The following NF1 variants were observed in gnomAD, a reference collection of about 807,000 sequenced individuals.
The protein encoded by NF1 is neurofibromin.
In NF1, 122 loss-of-function variants were observed where a neutral mutation model predicts 325.7. That is an observed-to-expected ratio of 0.37 (90% confidence interval 0.32 to 0.44). The LOEUF (loss-of-function observed/expected upper bound fraction) is 0.44. Ranked by LOEUF, NF1 falls within the 20% of genes least tolerant of loss-of-function variation. The probability of loss-of-function intolerance (pLI) is 1.00; values close to 1 mark genes in which losing one functional copy is unlikely to be tolerated. For missense variants in NF1, 2,140 were observed against 3,415.4 expected (o/e 0.63, Z 9.31); for synonymous variants, 1,091 against 1,186.0 (o/e 0.92, Z 1.65).
At chr17:31,353,374 A>G (rs2070200225) in intron 51 of NF1, among the ~76,000 whole-genome samples, 4 of 152,218 alleles carry the variant, frequency 2.6e-5, no homozygotes, top group Admixed American at 2.6e-4. Flanking sequence ...GCTCACGCCC[A>G]TAATCCCAGC....
intron 57 of NF1, among the ~76,000 whole-genome samples, chr17:31,363,792 G>T (rs2151591387): frequency 7.0e-6 from 1 of 143,770 alleles, no homozygotes. Context: ...CCAGGCTGGA[G>T]TGCAGTGGCG....
chr17:31,109,013 T>C (rs1913159320), intron 1 of NF1, among the ~76,000 whole-genome samples: 1 of 152,252 alleles, frequency 6.6e-6, no homozygotes, highest in South Asian at 2.1e-4. Context: ...GGTAAGATTT[T>C]ATTAGTAAAT....
chr17:31,182,395 T>C, intron 7 of NF1, 113 bp from the exon 8 acceptor site: 8 of 967,460 alleles, frequency 8.3e-6, no homozygotes, highest in Non-Finnish European at 1.1e-5. Flanking sequence ...TGAAGTTCCA[T>C]GTTTATCTTT....
At chr17:31,140,131 T>G (rs1185906711) in intron 1 of NF1, among the ~76,000 whole-genome samples, 2 of 152,244 alleles carry the variant, frequency 1.3e-5, no homozygotes. Context: ...CCATGGAATT[T>G]ACATTCTAGC....
At chr17:31,232,942 A>C in intron 26 of NF1, 60 bp from the exon 27 acceptor site, 3 of 1,613,734 alleles carry the variant, frequency 1.9e-6, no homozygotes, top group Middle Eastern at 1.6e-4. Flanking sequence ...CATGTAAGAG[A>C]AGCAAAAATT....
intron 1 of NF1, among the ~76,000 whole-genome samples, chr17:31,147,228 T>C (rs542369531): frequency 2.0e-5 from 3 of 152,210 alleles, no homozygotes; most frequent in Non-Finnish European, 4.4e-5. Context: ...TCCTCGTGTT[T>C]CCTTTCAGTC....
intron 36 of NF1, among the ~76,000 whole-genome samples, chr17:31,325,521 T>C (rs1171251398): frequency 6.6e-6 from 1 of 152,226 alleles, no homozygotes; most frequent in Non-Finnish European, 1.5e-5. Flanking sequence ...CTAAGGAGTT[T>C]GGTGGGCCCT....
At chr17:31,230,965 T>C (rs1181259131) in intron 24 of NF1, 40 bp downstream of exon 24, 1 of 1,463,278 alleles carries the variant, frequency 6.8e-7, no homozygotes, top group Non-Finnish European at 9.5e-7. Flanking sequence ...TGGGTTTTAC[T>C]GTGAGAGTTA....
At chr17:31,345,232 T>G (rs1358179061) in intron 48 of NF1, among the ~76,000 whole-genome samples, 1 of 152,232 alleles carries the variant, frequency 6.6e-6, no homozygotes, top group African/African-American at 2.4e-5. Context: ...AAATTTATCC[T>G]CTAATCAACC....
intron 1 of NF1, among the ~76,000 whole-genome samples, chr17:31,119,631 A>G (rs1348448319): frequency 3.3e-5 from 5 of 151,804 alleles, no homozygotes; most frequent in Non-Finnish European, 7.4e-5. Context: ...CCATTTGTCA[A>G]TTTTGGCTTT....
In NF1 at chr17:31,328,893, T is replaced by C. The variant is rs17881838; in HGVS notation, c.5609+1054T>C. ...TTGTGTATGCTTTGCTTCCTTTATC[T>C]CATAGGTGTCTGTGACACCTGTCCT... On this transcript the variant is annotated intron_variant, in intron 38 of 57. Coordinates refer to ENST00000358273, the MANE Select transcript of NF1 (RefSeq NM_001042492.3). 3.3e-5 allele frequency among the ~76,000 whole-genome samples: 5 copies of C among 152,186 alleles called. No individual in the cohort carries two copies. In the East Asian group the frequency reaches 5.8e-4, roughly 18 times the overall value.
chr17:31,375,028 A>AT lies in NF1; in HGVS notation c.*879dup, dbSNP rs558636964. ...GTATAGTAATTATATATATATATAT[A>AT]TTTTTTCCCCTCCCCCTCTTCTTTC... On this transcript the variant is annotated 3_prime_UTR_variant, in exon 58 of 58. Transcript: ENST00000358273. 2.1e-3 allele frequency: 360 copies of AT among 171,478 alleles called. 1 individual carries two copies. The highest frequency in any genetic ancestry group is 0.011 in the African/African-American group (341 of 30,216). 10.6% of individuals were successfully genotyped at this position (171,478 alleles called of 1,614,324 possible). A position where few individuals can be genotyped will look rare whatever the true frequency, so the allele number is the denominator to read the frequency against.
intron 12 of NF1, among the ~76,000 whole-genome samples, chr17:31,207,738 G>C (rs2143924139): frequency 6.6e-6 from 1 of 152,108 alleles, no homozygotes; most frequent in South Asian, 2.1e-4. Flanking sequence ...CATTTAATAA[G>C]ATATTTTTAA....
At chr17:31,126,341 GT>G (rs1430352401) in intron 1 of NF1, among the ~76,000 whole-genome samples, 2 of 152,072 alleles carry the variant, frequency 1.3e-5, no homozygotes, top group Non-Finnish European at 2.9e-5. Flanking sequence ...ATGTATTTGT[GT>G]TTCTTATTCT....
intron 57 of NF1, among the ~76,000 whole-genome samples, chr17:31,364,096 G>T (rs1025097809): frequency 6.6e-6 from 1 of 152,120 alleles, no homozygotes; most frequent in Non-Finnish European, 1.5e-5. Flanking sequence ...AAAGAAAGTT[G>T]TCCAGATTCC....
At chr17:31,238,078 G>C (rs1160370398) in intron 29 of NF1, among the ~76,000 whole-genome samples, 1 of 152,224 alleles carries the variant, frequency 6.6e-6, no homozygotes, top group Non-Finnish European at 1.5e-5. Flanking sequence ...AGAAGAAGCT[G>C]CTGGAGCCAG....
At position 31,176,355 on chromosome 17, in the gene NF1, GTTGT is replaced by G. The variant is rs201215877; in HGVS notation, c.587-5062_587-5059del. ...TATCCTTCATCTACTTTTTAATGGG[GTTGT>G]TTGTGTTTTTCTTGTAAATTTAAGT... On this transcript the variant is annotated intron_variant, in intron 5 of 57. Coordinates refer to ENST00000358273, the MANE Select transcript of NF1 (RefSeq NM_001042492.3). Among the ~76,000 whole-genome samples, 1,440 of 152,206 alleles carry G rather than the reference GTTGT, an allele frequency of 9.5e-3. 23 individuals carry two copies. Among genetic ancestry groups the G allele is most frequent in the African/African-American group, 0.033 (1,356 of 41,516 alleles).
Position 31,224,973 on chromosome 17 carries a change from G to A in NF1, c.1846-122G>A, listed in dbSNP as rs377622976. On this transcript the variant is annotated intron_variant, in intron 16 of 57. Transcript: ENST00000358273. ...TCTAGTGAATCTCCTTCAAGTTGGGGCATAGAGATTGAGAGGAGAGGTTTT... is the reference window on the plus strand; with the variant it reads ...TCTAGTGAATCTCCTTCAAGTTGGGACATAGAGATTGAGAGGAGAGGTTTT... The A allele has an allele frequency of 3.5e-4, 334 of 944,408 alleles. 2 individuals carry two copies. In the South Asian group the frequency reaches 4.3e-3, roughly 12 times the overall value. 58.5% of individuals were successfully genotyped at this position (944,408 alleles called of 1,614,324 possible). A position where few individuals can be genotyped will look rare whatever the true frequency, so the allele number is the denominator to read the frequency against.
chr17:31,234,600 C>A (rs2067168218), intron 27 of NF1, among the ~76,000 whole-genome samples: 1 of 143,752 alleles, frequency 7.0e-6, no homozygotes, highest in South Asian at 2.2e-4. Context: ...GGTGTGAACC[C>A]AGGAGGGTTG....
Sources: allele counts gnomAD v4.1 joint callset (sites outside exome capture counted in the v4.1 genomes callset), GRCh38; gene constraint gnomAD v4.1.1; transcripts MANE v1.5; gene names NCBI Gene and HGNC (gene_info 2026-07-23, HGNC 2026-07-21).